The following CDH13 variants were observed in gnomAD, a reference collection of about 807,000 sequenced individuals.
CDH13 encodes the protein cadherin-13.
Under a neutral mutation model 63.8 loss-of-function variants are expected in CDH13, and 24 were observed. The ratio of observed to expected loss-of-function variants is 0.38; its 90% confidence interval spans 0.27 to 0.53. The LOEUF (loss-of-function observed/expected upper bound fraction) is 0.53. Ranked by LOEUF, CDH13 falls within the 20% of genes least tolerant of loss-of-function variation. The pLI, the probability that CDH13 is intolerant of heterozygous loss-of-function variation, is 0.85. For synonymous variants in CDH13, 503 were observed against 355.3 expected (o/e 1.42, Z -4.67); for missense variants, 1,049 against 903.1 (o/e 1.16, Z -2.07).
chr16:83,114,235 G>C lies in CDH13; in HGVS notation c.367-11150G>C, dbSNP rs569773867. ...GATGCATTTTTTATTTTAATTTTGA[G>C]ATTGGCCGTCCCCAACGCCTCTGAT... On this transcript the variant is annotated intron_variant, in intron 3 of 13. Coordinates refer to ENST00000567109, the MANE Select transcript of CDH13 (RefSeq NM_001257.5). Among the ~76,000 whole-genome samples, 3 of 152,264 alleles carry C rather than the reference G, an allele frequency of 2.0e-5. No individual in the cohort carries two copies. In the South Asian group the frequency reaches 6.2e-4, roughly 32 times the overall value.
chr16:83,623,208 G>T (rs6563950), intron 8 of CDH13, among the ~76,000 whole-genome samples: 19,708 of 152,094 alleles, frequency 0.13, 1,374 homozygotes, highest in African/African-American at 0.19. Context: ...CCAGGGCTGG[G>T]TGGGAGAGGT....
At chr16:82,897,520 G>T (rs545027461) in intron 2 of CDH13, among the ~76,000 whole-genome samples, 16 of 152,328 alleles carry the variant, frequency 1.1e-4, no homozygotes, top group African/African-American at 3.8e-4. Context: ...TAGTTTTACA[G>T]CAACGCTGGG....
chr16:83,585,992 A>T (rs1414012159), intron 7 of CDH13, among the ~76,000 whole-genome samples: 1 of 152,218 alleles, frequency 6.6e-6, no homozygotes, highest in Non-Finnish European at 1.5e-5. Flanking sequence ...TCAACTGCAC[A>T]ATGAACACAG....
chr16:82,982,398 A>G (rs1165987605), intron 2 of CDH13, among the ~76,000 whole-genome samples: 2 of 152,328 alleles, frequency 1.3e-5, no homozygotes, highest in Admixed American at 6.5e-5. Flanking sequence ...AAATACCACA[A>G]ATTTATTATC....
intron 1 of CDH13, among the ~76,000 whole-genome samples, chr16:82,777,158 A>G (rs557355448): frequency 3.9e-5 from 6 of 152,156 alleles, no homozygotes; most frequent in Non-Finnish European, 5.9e-5. Context: ...TTGTAGCAAT[A>G]GCATTTCACT....
rs2090800977 is a variant in CDH13 at position 83,344,739 on chromosome 16, A to T, written c.637-123A>T. On this transcript the variant is annotated intron_variant, in intron 5 of 13. Coordinates refer to ENST00000567109, the MANE Select transcript of CDH13 (RefSeq NM_001257.5). ...CCCAGTGACTATCCTCTGAGACCAA[A>T]ATTTCAATATTGCCAAGGGCTCATA... is the stretch of plus-strand genomic sequence containing the variant. The T allele has an allele frequency of 5.8e-6, 6 of 1,038,414 alleles. No individual in the cohort carries two copies. The Admixed American group carries it at 1.2e-4, about 20-fold the overall frequency. 64.3% of individuals were successfully genotyped at this position (1,038,414 alleles called of 1,614,324 possible).
chr16:83,113,407 T>G (rs9923554), intron 3 of CDH13, among the ~76,000 whole-genome samples: 6,842 of 152,334 alleles, frequency 0.045, 203 homozygotes, highest in African/African-American at 0.081. Flanking sequence ...TTACAATAAC[T>G]CTATATTTAT....
At chr16:83,098,009 A>C (rs1463957062) in intron 3 of CDH13, among the ~76,000 whole-genome samples, 3 of 152,182 alleles carry the variant, frequency 2.0e-5, no homozygotes, top group Non-Finnish European at 4.4e-5. Context: ...GGAATGAAGG[A>C]GAATGAGACT....
At chr16:82,745,960 A>G (rs759343399) in intron 1 of CDH13, among the ~76,000 whole-genome samples, 56 of 152,082 alleles carry the variant, frequency 3.7e-4, no homozygotes, top group Non-Finnish European at 7.4e-4. Context: ...CTGCTTTTCA[A>G]AACTATTGTT....
intron 6 of CDH13, among the ~76,000 whole-genome samples, chr16:83,372,669 T>C (rs1029653200): frequency 1.3e-5 from 2 of 150,326 alleles, no homozygotes; most frequent in African/African-American, 4.9e-5. Flanking sequence ...GGAGAATGGC[T>C]TGAATCCGGG....
rs189193014 is a variant in CDH13, at chr16:83,584,836, A to G, written c.961-17618A>G. 2.8e-3 allele frequency among the ~76,000 whole-genome samples: 430 copies of G among 152,280 alleles called. 6 individuals carry two copies. Among genetic ancestry groups the G allele is most frequent in the Non-Finnish European group, 1.0e-3 (69 of 68,016 alleles). On this transcript the variant is annotated intron_variant, in intron 7 of 13. Transcript: ENST00000567109. ...GCATTGCTTCTGATGAGGCCTCAGA[A>G]AGCTTACAATCACGGCAGAGGGCAA...
At chr16:83,012,967 G>A (rs1161174049) in intron 2 of CDH13, among the ~76,000 whole-genome samples, 3 of 152,154 alleles carry the variant, frequency 2.0e-5, no homozygotes, top group Non-Finnish European at 4.4e-5. Flanking sequence ...TCCCCACTCT[G>A]CTGATTGTCT....
At chr16:83,539,248 C>T (rs926483439) in intron 7 of CDH13, among the ~76,000 whole-genome samples, 1 of 152,094 alleles carries the variant, frequency 6.6e-6, no homozygotes, top group Non-Finnish European at 1.5e-5. Flanking sequence ...TAGTTAGATT[C>T]TCATAAGGAA....
chr16:83,233,011 C>T (rs1405189534), intron 5 of CDH13, among the ~76,000 whole-genome samples: 1 of 152,160 alleles, frequency 6.6e-6, no homozygotes, highest in East Asian at 1.9e-4. Context: ...CTGGGACAGG[C>T]TCCCCAGGGA....
intron 1 of CDH13, among the ~76,000 whole-genome samples, chr16:82,792,714 T>G (rs368917253): frequency 5.3e-5 from 8 of 152,234 alleles, no homozygotes; most frequent in South Asian, 2.1e-4. Context: ...CTTTATTTAT[T>G]TCTTGTGTTC....
chr16:83,659,569 C>T lies in CDH13; in HGVS notation c.1102-11221C>T, dbSNP rs150653304. 7.5e-4 allele frequency among the ~76,000 whole-genome samples: 115 copies of T among 152,342 alleles called. 1 individual carries two copies. Among genetic ancestry groups the T allele is most frequent in the Middle Eastern group, 6.8e-3 (2 of 294 alleles). ...TCACAGGGGGGTGTTTTCAGAAATACGTATGCCTGGGCCCCATCCAAGAAC... is the reference window on the plus strand; with the variant it reads ...TCACAGGGGGGTGTTTTCAGAAATATGTATGCCTGGGCCCCATCCAAGAAC... On this transcript the variant is annotated intron_variant, in intron 8 of 13. Transcript: ENST00000567109.
intron 6 of CDH13, among the ~76,000 whole-genome samples, chr16:83,375,858 A>C (rs117596849): frequency 6.6e-6 from 1 of 152,108 alleles, no homozygotes; most frequent in East Asian, 1.9e-4. Context: ...AGGGTAGGCT[A>C]TGGGGATGGC....
chr16:83,797,668 C>G lies in CDH13; in HGVS notation c.*2638C>G, dbSNP rs1567603812. The G allele has an allele frequency of 6.6e-6, 1 of 152,154 alleles. No homozygotes were observed. The highest frequency in any genetic ancestry group is 1.5e-5 in the Non-Finnish European group (1 of 68,036). 9.4% of individuals were successfully genotyped at this position (152,154 alleles called of 1,614,324 possible). On this transcript the variant is annotated 3_prime_UTR_variant, in exon 14 of 14. Transcript: ENST00000567109. The stretch of plus-strand genomic sequence containing the variant: ...GAATCAAAATGTTATTTCATTATTA[C>G]CTATGCATTTTATCTGAGTCCAACT...
At chr16:83,335,223 C>G (rs977182048) in intron 5 of CDH13, among the ~76,000 whole-genome samples, 1 of 152,150 alleles carries the variant, frequency 6.6e-6, no homozygotes, top group Non-Finnish European at 1.5e-5. Context: ...TTGAGACATA[C>G]TTTCAGACTG....
Sources: gnomAD v4.1 joint callset for allele counts (sites outside exome capture counted in the v4.1 genomes callset) on GRCh38, gnomAD v4.1.1 for gene constraint, MANE v1.5 for transcripts, NCBI Gene and HGNC (gene_info 2026-07-23, HGNC 2026-07-21) for gene names.